The following EPHA6 variants were observed in gnomAD, a reference collection of about 807,000 sequenced individuals.
EPHA6 encodes the protein ephrin type-A receptor 6.
EPHA6 carries 50 observed loss-of-function variants against 112.0 expected under a neutral mutation model. That is an observed-to-expected ratio of 0.45 (90% CI 0.36 to 0.56). EPHA6 has a LOEUF of 0.56. Among genes scored for constraint, EPHA6 ranks in the 20% least tolerant of loss-of-function variants. The pLI, the probability that EPHA6 is intolerant of heterozygous loss-of-function variation, is 0.00. For synonymous variants in EPHA6, 529 were observed against 490.7 expected, an observed-to-expected ratio of 1.08 and a Z score of -1.03; for missense variants, 1,280 against 1,417.4, an observed-to-expected ratio of 0.90 and a Z score of 1.56.
chr3:97,498,692 G>T (rs1481079843), intron 10 of EPHA6, among the ~76,000 whole-genome samples: 1 of 152,112 alleles, frequency 6.6e-6, no homozygotes. Flanking sequence ...CAGGCTGTGG[G>T]CTTCACCCAC....
chr3:97,594,603 AT>A (rs956040712), intron 12 of EPHA6, among the ~76,000 whole-genome samples: 4 of 152,118 alleles, frequency 2.6e-5, no homozygotes, highest in African/African-American at 4.8e-5. Flanking sequence ...ATTTCAAAGA[AT>A]TTTTTTATCC....
In EPHA6 at chr3:96,899,053, CA is replaced by C. The variant is rs142436863; in HGVS notation, c.450+32174del. Among the ~76,000 whole-genome samples the C allele has an allele frequency of 5.6e-3, 724 of 129,746 alleles. 8 individuals carry two copies. Among genetic ancestry groups the C allele is most frequent in the African/African-American group, 0.017 (603 of 35,982 alleles). The allele number at this position is 129,746 out of a possible 152,430, so 85.1% of individuals were successfully genotyped here. A position where few individuals can be genotyped will look rare whatever the true frequency, so the allele number is the denominator to read the frequency against. On this transcript the variant is annotated intron_variant, in intron 2 of 17. Transcript: ENST00000389672. ...AAAAAAAAAAACAAAAACAAACAAA[CA>C]AAAAAAAAACAGGAATTTATTGCCT...
intron 2 of EPHA6, among the ~76,000 whole-genome samples, chr3:96,909,848 C>T (rs2039127021): frequency 6.6e-6 from 1 of 152,002 alleles, no homozygotes; most frequent in Non-Finnish European, 1.5e-5. Flanking sequence ...GGCTCGGCAT[C>T]TGACTTTATG....
Position 96,916,010 on chromosome 3 carries a change from T to C in EPHA6, c.450+49121T>C, listed in dbSNP as rs575249641. On this transcript the variant is annotated intron_variant, in intron 2 of 17. Coordinates refer to ENST00000389672, the MANE Select transcript of EPHA6 (RefSeq NM_001080448.3). ...GTTAAAGATGCTTTCTATTTCAATA[T>C]GGTTTTAAATATATATCATCCTTTA... Among the ~76,000 whole-genome samples, 13 of 152,258 alleles carry C rather than the reference T, an allele frequency of 8.5e-5. No individual in the cohort carries two copies. In the South Asian group the frequency reaches 2.5e-3, roughly 29 times the overall value.
intron 3 of EPHA6, among the ~76,000 whole-genome samples, chr3:96,999,108 T>G (rs1258413732): frequency 6.6e-6 from 1 of 151,930 alleles, no homozygotes; most frequent in Non-Finnish European, 1.5e-5. Flanking sequence ...ATCTGATTAT[T>G]TAGTGTGTTG....
chr3:97,186,063 G>A lies in EPHA6; in HGVS notation c.1115-40201G>A, dbSNP rs1818085. Reference sequence around the variant, plus strand: ...AACATCACACACCGGGGACTGTTGTGGGGTCGGGGGAGGGGGGAGGGATAG... The same window carrying A: ...AACATCACACACCGGGGACTGTTGTAGGGTCGGGGGAGGGGGGAGGGATAG... On this transcript the variant is annotated intron_variant, in intron 3 of 17. Transcript: ENST00000389672. Among the ~76,000 whole-genome samples the A allele has an allele frequency of 3.0e-3, 391 of 132,274 alleles. 1 individual carries two copies. Among genetic ancestry groups the A allele is most frequent in the African/African-American group, 9.8e-3 (364 of 37,160 alleles). The allele number at this position is 132,274 out of a possible 152,430, so 86.8% of individuals were successfully genotyped here. A position where few individuals can be genotyped will look rare whatever the true frequency, so the allele number is the denominator to read the frequency against.
At chr3:96,842,879 G>C (rs912479630) in intron 1 of EPHA6, among the ~76,000 whole-genome samples, 21 of 151,970 alleles carry the variant, frequency 1.4e-4, no homozygotes, top group Non-Finnish European at 2.4e-4. Context: ...TGTGATGGCT[G>C]TTTACTCTTG....
At chr3:97,428,386 A>T (rs2089294750) in intron 6 of EPHA6, among the ~76,000 whole-genome samples, 1 of 152,158 alleles carries the variant, frequency 6.6e-6, no homozygotes, top group South Asian at 2.1e-4. Context: ...TACTATATTA[A>T]TGTACAATAT....
intron 2 of EPHA6, among the ~76,000 whole-genome samples, chr3:96,927,023 T>G (rs1377754089): frequency 6.6e-6 from 1 of 152,230 alleles, no homozygotes; most frequent in Admixed American, 6.5e-5. Context: ...GCAGCAGACT[T>G]TATACTGGAC....
chr3:97,460,258 A>G (rs778000369), intron 7 of EPHA6, among the ~76,000 whole-genome samples: 1 of 152,240 alleles, frequency 6.6e-6, no homozygotes, highest in African/African-American at 2.4e-5. Context: ...CAAACATGCT[A>G]TATTATCTTC....
intron 5 of EPHA6, among the ~76,000 whole-genome samples, chr3:97,392,344 TC>T (rs1428392794): frequency 6.6e-6 from 1 of 151,744 alleles, no homozygotes; most frequent in African/African-American, 2.4e-5. Flanking sequence ...AAGATATACT[TC>T]TGTTTTGCTC....
intron 7 of EPHA6, among the ~76,000 whole-genome samples, chr3:97,451,846 T>A (rs2090540840): frequency 6.6e-6 from 1 of 151,946 alleles, no homozygotes; most frequent in South Asian, 2.1e-4. Flanking sequence ...AGCCTTATTA[T>A]TAAGTTCTCT....
chr3:97,177,619 T>G (rs1461614611), intron 3 of EPHA6, among the ~76,000 whole-genome samples: 14 of 151,906 alleles, frequency 9.2e-5, no homozygotes, highest in Admixed American at 9.2e-4. Context: ...CCCCTTTATA[T>G]ATCTGTGTGC....
At chr3:97,713,143 A>G (rs971581907) in intron 14 of EPHA6, among the ~76,000 whole-genome samples, 3 of 152,204 alleles carry the variant, frequency 2.0e-5, no homozygotes, top group African/African-American at 7.2e-5. Context: ...AAATAGGTCA[A>G]GTGTGTCTGA....
rs146327532 is a variant in EPHA6 at position 97,613,630 on chromosome 3, G to T, written c.2574+2776G>T. Among the ~76,000 whole-genome samples the T allele has an allele frequency of 2.6e-5, 4 of 152,170 alleles. No individual in the cohort carries two copies. In the East Asian group the frequency reaches 7.7e-4, roughly 29 times the overall value. On this transcript the variant is annotated intron_variant, in intron 13 of 17. Transcript: ENST00000389672. Reference sequence around the variant, plus strand: ...CGGCAGAGGGGCAGTGTAGTCAAGTGTGTGTGTGGGCTTGTGTGTGAAAAT... The same window carrying T: ...CGGCAGAGGGGCAGTGTAGTCAAGTTTGTGTGTGGGCTTGTGTGTGAAAAT...
intron 5 of EPHA6, among the ~76,000 whole-genome samples, chr3:97,332,414 C>T (rs976500280): frequency 6.6e-6 from 1 of 151,816 alleles, no homozygotes; most frequent in African/African-American, 2.4e-5. Context: ...CCAGGGCAAT[C>T]AGGCAGGAGA....
intron 10 of EPHA6, among the ~76,000 whole-genome samples, chr3:97,507,829 A>C (rs187217004): frequency 1.3e-5 from 2 of 152,196 alleles, no homozygotes; most frequent in Admixed American, 1.3e-4. Flanking sequence ...TTACTGCCTG[A>C]ATTTCAGAAC....
intron 2 of EPHA6, among the ~76,000 whole-genome samples, chr3:96,882,997 C>A (rs1461185855): frequency 6.6e-6 from 1 of 152,144 alleles, no homozygotes; most frequent in African/African-American, 2.4e-5. Flanking sequence ...CTTAAAGAAT[C>A]TCCACACTGT....
At chr3:97,087,277 G>T (rs909459896) in intron 3 of EPHA6, among the ~76,000 whole-genome samples, 2 of 152,110 alleles carry the variant, frequency 1.3e-5, no homozygotes, top group Non-Finnish European at 2.9e-5. Flanking sequence ...TGATGGGGAT[G>T]TTGTGTCTAG....
Sources: allele counts gnomAD v4.1 joint callset (sites outside exome capture counted in the v4.1 genomes callset), GRCh38; gene constraint gnomAD v4.1.1; transcripts MANE v1.5; gene names NCBI Gene and HGNC (gene_info 2026-07-23, HGNC 2026-07-21).